Variants in TEX9 observed in about 807,000 individuals in gnomAD.
TEX9 encodes the protein testis expressed 9, also known as testis-expressed protein 9.
Under a neutral mutation model 59.6 loss-of-function variants are expected in TEX9, and 74 were observed. That is an observed-to-expected ratio of 1.24 (90% CI 1.03 to 1.51). The LOEUF (loss-of-function observed/expected upper bound fraction) is 1.51. Ranked by LOEUF, TEX9 falls within the 40% of genes most tolerant of loss-of-function variation. The probability of loss-of-function intolerance (pLI) is 0.00; values close to 1 mark genes in which losing one functional copy is unlikely to be tolerated. For synonymous variants in TEX9, 186 were observed against 152.2 expected (o/e 1.22, Z -1.64); for missense variants, 522 against 447.8 (o/e 1.17, Z -1.49).
At chr15:56,362,867 G>A (rs1203385537), upstream of TEX9, among the ~76,000 whole-genome samples, 1 of 152,112 alleles carries the variant, frequency 6.6e-6, no homozygotes, top group Non-Finnish European at 1.5e-5. Flanking sequence ...TTTGTGAATG[G>A]CTTCTTTCAC....
At chr15:56,311,120 T>TTTTTCTTTTTTTTTTTA (rs2045601100) in intron 1 of TEX9, among the ~76,000 whole-genome samples, 1 of 145,326 alleles carries the variant, frequency 6.9e-6, no homozygotes, top group African/African-American at 2.5e-5. Context: ...GGTGACTCCT[T>TTTTTCTTTTTTTTTTTA]ATTTCTTTTT....
intron 1 of TEX9, among the ~76,000 whole-genome samples, chr15:56,247,369 A>T (rs899652992): frequency 6.6e-6 from 1 of 152,164 alleles, no homozygotes; most frequent in Non-Finnish European, 1.5e-5. Context: ...GTGGAGTCAT[A>T]ATGGAGGGAG....
intron 1 of TEX9, among the ~76,000 whole-genome samples, chr15:56,293,560 G>C (rs1208984072): frequency 1.3e-5 from 2 of 152,138 alleles, no homozygotes; most frequent in Non-Finnish European, 2.9e-5. Flanking sequence ...GTTCTGGGGT[G>C]GGGGGTGTAG....
intron 2 of TEX9, among the ~76,000 whole-genome samples, chr15:56,371,207 G>C (rs527826602): frequency 1.2e-3 from 182 of 152,194 alleles, no homozygotes; most frequent in Middle Eastern, 0.01. Context: ...GTCTTCAATG[G>C]ATGTTAACCT....
chr15:56,412,477 G>A, intron 10 of TEX9, 41 bp downstream of exon 10: 1 of 1,558,928 alleles, frequency 6.4e-7, no homozygotes, highest in Non-Finnish European at 8.6e-7. Context: ...ATCCCTTTTG[G>A]TAACTACTTC....
chr15:56,299,036 C>T (rs2045280564), intron 1 of TEX9, among the ~76,000 whole-genome samples: 1 of 152,170 alleles, frequency 6.6e-6, no homozygotes, highest in Non-Finnish European at 1.5e-5. Context: ...ACCATCTACC[C>T]AATAAAGCAC....
rs1025336489 is a variant in TEX9, at chr15:56,271,576, G to A, written c.-107+27298G>A. Among the ~76,000 whole-genome samples the A allele has an allele frequency of 2.0e-5, 3 of 152,128 alleles. No individual in the cohort carries two copies. In the East Asian group the frequency reaches 5.8e-4, roughly 29 times the overall value. ...GGCTTCCCAAAATGCTGGCGTTACAGGCATGAGTCACCATGCCTGGCTAAT... is the reference window on the plus strand; with the variant it reads ...GGCTTCCCAAAATGCTGGCGTTACAAGCATGAGTCACCATGCCTGGCTAAT... On this transcript the variant is annotated intron_variant, in intron 1 of 5. Transcript: ENST00000560827.
chr15:56,446,237 T>C (rs1459016835), downstream of TEX9, among the ~76,000 whole-genome samples: 1 of 152,000 alleles, frequency 6.6e-6, no homozygotes, highest in African/African-American at 2.4e-5. Context: ...TGTTTGATAA[T>C]GAGAGCTCAA....
At chr15:56,294,288 C>G (rs2045167539) in intron 1 of TEX9, among the ~76,000 whole-genome samples, 1 of 152,206 alleles carries the variant, frequency 6.6e-6, no homozygotes, top group African/African-American at 2.4e-5. Context: ...CAGATTGTAG[C>G]TGATCCTGCT....
At chr15:56,365,319 G>T, upstream of TEX9, 1 of 1,268,704 alleles carries the variant, frequency 7.9e-7, no homozygotes, top group Non-Finnish European at 1.1e-6. Context: ...CGCTGCCAGA[G>T]GCTCGCGCCG....
chr15:56,260,161 T>C (rs2044231434), intron 1 of TEX9, among the ~76,000 whole-genome samples: 1 of 152,148 alleles, frequency 6.6e-6, no homozygotes, highest in Non-Finnish European at 1.5e-5. Flanking sequence ...GGTTTTTCTA[T>C]ATTTACAATC....
At chr15:56,263,882 G>GT (rs1204773087) in intron 1 of TEX9, among the ~76,000 whole-genome samples, 1 of 151,454 alleles carries the variant, frequency 6.6e-6, no homozygotes, top group East Asian at 2.0e-4. Flanking sequence ...TCTGCCATTT[G>GT]TTTTTTATTA....
intron 9 of TEX9, among the ~76,000 whole-genome samples, chr15:56,400,510 T>A (rs2048716592): frequency 6.6e-6 from 1 of 152,204 alleles, no homozygotes; most frequent in Non-Finnish European, 1.5e-5. Context: ...TACATTTGAT[T>A]GGTGTACCTG....
At chr15:56,426,614 T>TAC (rs2050277238) in intron 10 of TEX9, among the ~76,000 whole-genome samples, 2 of 43,030 alleles carry the variant, frequency 4.6e-5, no homozygotes, top group African/African-American at 1.8e-4. Flanking sequence ...TATATATATA[T>TAC]ATATATATAT....
chr15:56,343,488 C>A (rs1459762861), intron 1 of TEX9, among the ~76,000 whole-genome samples: 1 of 151,950 alleles, frequency 6.6e-6, no homozygotes, highest in Non-Finnish European at 1.5e-5. Context: ...AATTGATAGA[C>A]TCCTAGCAGG....
intron 1 of TEX9, among the ~76,000 whole-genome samples, chr15:56,263,127 G>A (rs1399181787): frequency 1.3e-5 from 2 of 152,046 alleles, no homozygotes; most frequent in Non-Finnish European, 2.9e-5. Flanking sequence ...GAGTTCAAGC[G>A]ATTCTCCTGC....
chr15:56,458,316 C>G, the TEX9 span, among the ~76,000 whole-genome samples: 2 of 152,102 alleles, frequency 1.3e-5, no homozygotes, highest in Non-Finnish European at 2.9e-5. Context: ...GTTTTGGGTT[C>G]ACAACAAAAT....
intron 1 of TEX9, among the ~76,000 whole-genome samples, chr15:56,356,666 TAA>T (rs1388433945): frequency 1.3e-5 from 2 of 152,174 alleles, no homozygotes; most frequent in Non-Finnish European, 2.9e-5. Flanking sequence ...TAAGATACAG[TAA>T]AATCCCCTCA....
intron 12 of TEX9, chr15:56,444,758 T>G: frequency 8.7e-7 from 1 of 1,151,608 alleles, no homozygotes; most frequent in Non-Finnish European, 1.2e-6. Context: ...TATTGAATAT[T>G]ATAAAGTCTT....
Sources: allele counts gnomAD v4.1 joint callset (sites outside exome capture counted in the v4.1 genomes callset), GRCh38; gene constraint gnomAD v4.1.1; transcripts MANE v1.5; gene names NCBI Gene and HGNC (gene_info 2026-07-23, HGNC 2026-07-21).